ABLIM2: variants seen among roughly 807,000 people sequenced by gnomAD.
ABLIM2 encodes actin-binding LIM protein 2.
Under a neutral mutation model 97.7 loss-of-function variants are expected in ABLIM2, and 53 were observed. That is an observed-to-expected ratio of 0.54 (90% CI 0.44 to 0.68). ABLIM2 has a LOEUF of 0.68. Among genes scored for constraint, ABLIM2 ranks in the 30% least tolerant of loss-of-function variants. The pLI is 0.00. For synonymous variants in ABLIM2, 361 were observed against 345.8 expected, an observed-to-expected ratio of 1.04 and a Z score of -0.49; for missense variants, 835 against 867.2, an observed-to-expected ratio of 0.96 and a Z score of 0.47.
intron 20 of ABLIM2, among the ~76,000 whole-genome samples, chr4:7,976,862 TATAC>T (rs200885091): frequency 1.7e-4 from 26 of 151,056 alleles, no homozygotes; most frequent in South Asian, 4.2e-4. Flanking sequence ...CACATACACG[TATAC>T]ATACATAAAC....
In ABLIM2 at chr4:8,071,697, A is replaced by AAC; in HGVS notation, c.675+5930_675+5931insGT. 9 of 387,422 alleles carry AAC rather than the reference A, an allele frequency of 2.3e-5. No individual in the cohort carries two copies. The highest frequency in any genetic ancestry group is 3.1e-5 in the Non-Finnish European group (9 of 294,830). The allele number at this position is 387,422 out of a possible 1,614,324, so 24.0% of individuals were successfully genotyped here. A position where few individuals can be genotyped will look rare whatever the true frequency, so the allele number is the denominator to read the frequency against. On this transcript the variant is annotated intron_variant, in intron 6 of 20. Coordinates refer to ENST00000447017, the MANE Select transcript of ABLIM2 (RefSeq NM_001130083.2). The surrounding 1 kb of genome is among the most constrained non-coding windows in gnomAD (Gnocchi z 6.2). Reference sequence around the variant, plus strand: ...CTGACTGCTCTGTCCCCAAAAACCCACCCACCCGCAGCCCCTCCTGGCCCC... The same window carrying AAC: ...CTGACTGCTCTGTCCCCAAAAACCCAACCCCACCCGCAGCCCCTCCTGGCCCC...
At chr4:8,135,051 G>A (rs1402830074) in intron 1 of ABLIM2, among the ~76,000 whole-genome samples, 1 of 152,178 alleles carries the variant, frequency 6.6e-6, no homozygotes, top group Admixed American at 6.5e-5. Context: ...GCCAAACCCA[G>A]ACATGAAGAA....
At chr4:7,977,331 T>C (rs189310471) in intron 20 of ABLIM2, among the ~76,000 whole-genome samples, 1 of 152,302 alleles carries the variant, frequency 6.6e-6, no homozygotes, top group East Asian at 1.9e-4. Context: ...CGGGTATTTC[T>C]TTATAGCAGT....
At chr4:8,126,539 C>T (rs1343027845) in intron 1 of ABLIM2, among the ~76,000 whole-genome samples, 3 of 151,898 alleles carry the variant, frequency 2.0e-5, no homozygotes, top group Admixed American at 6.6e-5. Flanking sequence ...CTGGTCAACA[C>T]GCAGGATTGG....
intron 1 of ABLIM2, among the ~76,000 whole-genome samples, chr4:8,108,897 C>T (rs552053896): frequency 2.0e-5 from 3 of 152,362 alleles, no homozygotes; most frequent in Admixed American, 1.3e-4. Flanking sequence ...CCCATGAAGC[C>T]GGCCTTGAGA....
In ABLIM2 at chr4:8,001,880, G is replaced by A. The variant is rs982818341; in HGVS notation, c.1618+6179C>T. Among the ~76,000 whole-genome samples, 6 of 152,272 alleles carry A rather than the reference G, an allele frequency of 3.9e-5. No homozygotes were observed. The highest frequency in any genetic ancestry group is 4.1e-4 in the South Asian group (2 of 4,830). ...TCCTCTGTGGAATCTCCTGCCCCCC[G>A]ATGGCACCTTCCCACCTGCCCGCTT... On this transcript the variant is annotated intron_variant, in intron 16 of 20. Coordinates refer to ENST00000447017, the MANE Select transcript of ABLIM2 (RefSeq NM_001130083.2). This position sits in a 1 kb window ranked among gnomAD's most constrained non-coding sequence, Gnocchi z 4.2.
In ABLIM2 at chr4:8,077,746, C is replaced by G. The variant is rs534217627; in HGVS notation, c.582-25G>C. The G allele has an allele frequency of 9.8e-5, 156 of 1,596,712 alleles. No homozygotes were observed. In the South Asian group the frequency reaches 1.5e-3, roughly 16 times the overall value. On this transcript the variant is annotated intron_variant, in intron 5 of 20. Transcript: ENST00000447017. ...CCTGCAATGAGACAGGCAGTCAACA[C>G]AGGGCGGGTGTCGCCCGAGGACCCT...
rs898265461 is a variant in ABLIM2, at chr4:8,022,667, T to G, written c.1268-2364A>C. ...CTGCCTCCTCTGCTCAGCCTTCTGG[T>G]AGGACTTGGTCTCTGAGGACCTCTC... On this transcript the variant is annotated intron_variant, in intron 12 of 20. Coordinates refer to ENST00000447017, the MANE Select transcript of ABLIM2 (RefSeq NM_001130083.2). The surrounding 1 kb of genome is among the most constrained non-coding windows in gnomAD (Gnocchi z 7.8). 6.6e-6 allele frequency: 1 copy of G among 152,604 alleles called. No individual in the cohort carries two copies. The highest frequency in any genetic ancestry group is 2.4e-5 in the African/African-American group (1 of 41,460). 9.5% of individuals were successfully genotyped at this position (152,604 alleles called of 1,614,324 possible). A position where few individuals can be genotyped will look rare whatever the true frequency, so the allele number is the denominator to read the frequency against.
In ABLIM2 at chr4:8,158,751, A is replaced by G. The variant is rs1284407347; in HGVS notation, c.-62T>C. 2.3e-6 allele frequency: 3 copies of G among 1,332,184 alleles called. No individual in the cohort carries two copies. The highest frequency in any genetic ancestry group is 2.9e-6 in the Non-Finnish European group (3 of 1,043,678). The allele number at this position is 1,332,184 out of a possible 1,614,324, so 82.5% of individuals were successfully genotyped here. A position where few individuals can be genotyped will look rare whatever the true frequency, so the allele number is the denominator to read the frequency against. On this transcript the variant is annotated 5_prime_UTR_variant, in exon 1 of 21. Coordinates refer to ENST00000447017, the MANE Select transcript of ABLIM2 (RefSeq NM_001130083.2). Reference sequence around the variant, plus strand: ...GCGACAGCCAGACCCTCGGGCCCGCAGGTGCCGCGCCCGCGCTATCCTCCG... The same window carrying G: ...GCGACAGCCAGACCCTCGGGCCCGCGGGTGCCGCGCCCGCGCTATCCTCCG...
In ABLIM2 at chr4:8,124,467, T is replaced by C. The variant is rs971214298; in HGVS notation, c.11-17830A>G. On this transcript the variant is annotated intron_variant, in intron 1 of 20. Transcript: ENST00000447017. The surrounding 1 kb of genome is among the most constrained non-coding windows in gnomAD (Gnocchi z 6.1). ...TAACAACTGGTCTGTCTCTGTGGATTTGCCTGCTCTGGGCATTTCATGCGA... is the reference window on the plus strand; with the variant it reads ...TAACAACTGGTCTGTCTCTGTGGATCTGCCTGCTCTGGGCATTTCATGCGA... 1.1e-4 allele frequency among the ~76,000 whole-genome samples: 16 copies of C among 152,244 alleles called. No homozygotes were observed. Among genetic ancestry groups the C allele is most frequent in the African/African-American group, 3.9e-4 (16 of 41,460 alleles).
chr4:8,007,028 C>A, intron 16 of ABLIM2: 1 of 985,446 alleles, frequency 1.0e-6, no homozygotes, highest in Non-Finnish European at 1.2e-6. Flanking sequence ...ACACACCTTT[C>A]TTTGTTTAAA....
chr4:8,098,224 G>A (rs549317771), intron 2 of ABLIM2, among the ~76,000 whole-genome samples: 10 of 152,336 alleles, frequency 6.6e-5, no homozygotes, highest in African/African-American at 2.2e-4. Flanking sequence ...CAGCCCCTCT[G>A]GCCTGGTCAG....
rs1295480354 is a variant in ABLIM2, at chr4:8,043,131, G to A, written c.900+2033C>T. ...CTCACCACTGCACTCCAGCCTGGGC[G>A]ACAGAGCCAGACCTTGTCTCAAAAC... On this transcript the variant is annotated intron_variant, in intron 9 of 20. Coordinates refer to ENST00000447017, the MANE Select transcript of ABLIM2 (RefSeq NM_001130083.2). The surrounding 1 kb of genome is among the most constrained non-coding windows in gnomAD (Gnocchi z 4.8). 6.6e-6 allele frequency among the ~76,000 whole-genome samples: 1 copy of A among 152,126 alleles called. No homozygotes were observed. Among genetic ancestry groups the A allele is most frequent in the African/African-American group, 2.4e-5 (1 of 41,448 alleles).
At position 8,023,431 on chromosome 4, in the gene ABLIM2, G is replaced by A. The variant is rs115671819; in HGVS notation, c.1268-3128C>T. Among the ~76,000 whole-genome samples the A allele has an allele frequency of 5.9e-3, 899 of 152,352 alleles. 9 individuals carry two copies. Among genetic ancestry groups the A allele is most frequent in the African/African-American group, 0.02 (825 of 41,586 alleles). On this transcript the variant is annotated intron_variant, in intron 12 of 20. Transcript: ENST00000447017. This position sits in a 1 kb window ranked among gnomAD's most constrained non-coding sequence, Gnocchi z 5.7. ...TTTTTGCCTGATGTTTTCTCATGGC[G>A]ATACTGGGCTTATGGGGTTGAGAAG...
chr4:8,073,564 C>T (rs1022527419), intron 6 of ABLIM2, among the ~76,000 whole-genome samples: 3 of 151,860 alleles, frequency 2.0e-5, no homozygotes, highest in African/African-American at 4.8e-5. Flanking sequence ...GGAGAGGCCA[C>T]GGCCCCAGGA....
At chr4:8,106,978 GC>G (rs1177858105) in intron 1 of ABLIM2, among the ~76,000 whole-genome samples, 1 of 152,194 alleles carries the variant, frequency 6.6e-6, no homozygotes, top group African/African-American at 2.4e-5. Context: ...CTGGAAGATG[GC>G]CCAACCACTG....
chr4:8,077,483 C>T, intron 6 of ABLIM2, 145 bp downstream of exon 6: 1 of 779,234 alleles, frequency 1.3e-6, no homozygotes, highest in Non-Finnish European at 2.1e-6. Flanking sequence ...TGAGGGTGTC[C>T]ATTGGCTGAG....
chr4:8,153,453 A>G (rs976850361), intron 1 of ABLIM2, among the ~76,000 whole-genome samples: 13 of 152,334 alleles, frequency 8.5e-5, no homozygotes, highest in Admixed American at 5.2e-4. Context: ...GACCAGGTTA[A>G]GCGGAGACTG....
intron 1 of ABLIM2, among the ~76,000 whole-genome samples, chr4:8,118,879 A>G (rs1843973659): frequency 6.6e-6 from 1 of 152,240 alleles, no homozygotes; most frequent in African/African-American, 2.4e-5. Context: ...TGGAGGCTTC[A>G]GGACCTAAGC....
Sources: allele counts gnomAD v4.1 joint callset (sites outside exome capture counted in the v4.1 genomes callset), GRCh38; gene constraint gnomAD v4.1.1; non-coding constraint Gnocchi (gnomAD v3.1); transcripts MANE v1.5; gene names NCBI Gene and HGNC (gene_info 2026-07-23, HGNC 2026-07-21).